Variants in RYR2 observed in about 807,000 individuals in gnomAD.
The protein encoded by RYR2 is ryanodine receptor 2.
RYR2 carries 227 observed loss-of-function variants against 601.1 expected under a neutral mutation model. The observed-to-expected ratio is 0.38, with a 90% CI of 0.34 to 0.42. The LOEUF is 0.42. RYR2 is among the 10% of genes least tolerant of loss of function. The pLI is 1.00. For missense variants in RYR2, 4,646 were observed against 6,156.5 expected, an observed-to-expected ratio of 0.75 and a Z score of 8.21; for synonymous variants, 2,223 against 2,175.1, an observed-to-expected ratio of 1.02 and a Z score of -0.61.
At chr1:237,616,545 T>G (rs1016546328) in intron 37 of RYR2, among the ~76,000 whole-genome samples, 1 of 152,228 alleles carries the variant, frequency 6.6e-6, no homozygotes, top group African/African-American at 2.4e-5. Flanking sequence ...CACCTTATTC[T>G]TTCTGCAGTA....
intron 88 of RYR2, among the ~76,000 whole-genome samples, chr1:237,780,463 T>A (rs903603677): frequency 6.6e-6 from 1 of 152,156 alleles, no homozygotes. Flanking sequence ...AAACGTCTCA[T>A]CTTCCCAACA....
At chr1:237,551,310 A>C (rs555337495) in intron 27 of RYR2, among the ~76,000 whole-genome samples, 2 of 152,150 alleles carry the variant, frequency 1.3e-5, no homozygotes, top group South Asian at 4.1e-4. Flanking sequence ...CAGGCGGATC[A>C]CAAGGTCAGG....
At chr1:237,751,691 T>G (rs1052528519) in intron 80 of RYR2, among the ~76,000 whole-genome samples, 2 of 152,212 alleles carry the variant, frequency 1.3e-5, no homozygotes, top group Non-Finnish European at 2.9e-5. Context: ...GTTTAGTGTT[T>G]CTTTTGTCTC....
At chr1:237,345,484 A>T (rs995720901) in intron 3 of RYR2, among the ~76,000 whole-genome samples, 4 of 148,654 alleles carry the variant, frequency 2.7e-5, no homozygotes, top group African/African-American at 1.0e-4. Context: ...TAAAAAATAA[A>T]AAAAAATATA....
chr1:237,800,128 G>T (rs1162993670), intron 97 of RYR2: 1 of 152,140 alleles, frequency 6.6e-6, no homozygotes, highest in Non-Finnish European at 1.5e-5. Context: ...ACTAATGTAT[G>T]CTAGAGATGG....
chr1:237,295,274 T>A (rs1572506997), intron 2 of RYR2, among the ~76,000 whole-genome samples: 2 of 126,790 alleles, frequency 1.6e-5, no homozygotes, highest in East Asian at 4.6e-4. Flanking sequence ...CTTCAGTGTT[T>A]GGAAAAAAAA....
chr1:237,394,268 C>G (rs1702633311), intron 10 of RYR2, among the ~76,000 whole-genome samples: 1 of 152,182 alleles, frequency 6.6e-6, no homozygotes, highest in Admixed American at 6.5e-5. Context: ...CTAGTCCTAC[C>G]TACATGATTC....
intron 29 of RYR2, among the ~76,000 whole-genome samples, chr1:237,574,418 C>G (rs1202113345): frequency 6.6e-6 from 1 of 152,160 alleles, no homozygotes; most frequent in Non-Finnish European, 1.5e-5. Context: ...GTGTTCACAC[C>G]ATTTTATATA....
At chr1:237,168,224 CCTT>C (rs1245425850) in intron 1 of RYR2, among the ~76,000 whole-genome samples, 3 of 151,606 alleles carry the variant, frequency 2.0e-5, no homozygotes, top group African/African-American at 7.3e-5. Context: ...ATGTCAGTGT[CCTT>C]CTTAGATTCC....
rs1572400749 is a variant in RYR2 at position 237,454,446 on chromosome 1, G to C, written c.1348G>C (p.Glu450Gln). ...GGCTTCCACAGTCGATTTGCCTATA[G>C]AGTCCGTAAGCCTAAGTCTGCAGGA... ...AKASTVDLPI[E>Q]SVSLSLQDLI... Residue 450 changes from glutamate (E) to glutamine (Q), a missense_variant, in exon 15 of 105, where the codon GAG becomes CAG. By Grantham distance (29) the Glu-to-Gln change is conservative. Around this residue, in one of 17 missense-constraint regions of RYR2, gnomAD observed 1,807 missense variants for 2,088.1 expected, o/e 0.87. Coordinates refer to ENST00000366574, the MANE Select transcript of RYR2 (RefSeq NM_001035.3). The C allele has an allele frequency of 1.9e-6, 3 of 1,613,584 alleles. No homozygotes were observed. Among genetic ancestry groups the C allele is most frequent in the Non-Finnish European group, 2.5e-6 (3 of 1,179,652 alleles).
intron 3 of RYR2, among the ~76,000 whole-genome samples, chr1:237,331,723 C>A (rs1012429159): frequency 6.6e-5 from 10 of 151,268 alleles, no homozygotes; most frequent in Admixed American, 2.0e-4. Flanking sequence ...ACCATGTTGG[C>A]CAGGATGGTC....
chr1:237,451,972 G>C (rs1572390031), intron 14 of RYR2, among the ~76,000 whole-genome samples: 1 of 98,808 alleles, frequency 1.0e-5, no homozygotes, highest in African/African-American at 2.9e-5. Context: ...TGGTAGTACT[G>C]TGTGTGTATG....
At chr1:237,321,001 C>A (rs1695576475) in intron 2 of RYR2, among the ~76,000 whole-genome samples, 1 of 150,424 alleles carries the variant, frequency 6.6e-6, no homozygotes, top group Admixed American at 6.6e-5. Flanking sequence ...AATGTTACCA[C>A]AAATGGACAG....
intron 101 of RYR2, among the ~76,000 whole-genome samples, chr1:237,827,971 T>G (rs1045835892): frequency 1.3e-5 from 2 of 148,434 alleles, no homozygotes; most frequent in African/African-American, 4.9e-5. Flanking sequence ...AAAAAAGACT[T>G]GAGGCAGATT....
At chr1:237,204,514 AAAAAG>A (rs997772028) in intron 1 of RYR2, among the ~76,000 whole-genome samples, 23 of 151,644 alleles carry the variant, frequency 1.5e-4, no homozygotes, top group African/African-American at 5.6e-4. Flanking sequence ...AAAAAAAAAA[AAAAAG>A]AAAGAAAACT....
At chr1:237,525,061 C>T (rs984121788) in intron 24 of RYR2, among the ~76,000 whole-genome samples, 2 of 151,990 alleles carry the variant, frequency 1.3e-5, no homozygotes, top group African/African-American at 4.8e-5. Flanking sequence ...TCTAATGAAC[C>T]CATTACCTAA....
At chr1:237,645,868 C>CTTTTTTTTTTTTTTCTTT (rs1001580851) in intron 48 of RYR2, among the ~76,000 whole-genome samples, 1 of 136,516 alleles carries the variant, frequency 7.3e-6, no homozygotes, top group Non-Finnish European at 1.6e-5. Context: ...TAGATCTCTG[C>CTTTTTTTTTTTTTTCTTT]TTTTTTTTTT....
chr1:237,755,065 A>T (rs757203417), intron 80 of RYR2: 1 of 1,288,802 alleles, frequency 7.8e-7, no homozygotes, highest in South Asian at 1.2e-5. Context: ...TCGCAGCACG[A>T]TATTATCAAA....
At chr1:237,548,769 C>T (rs563932389) in intron 26 of RYR2, among the ~76,000 whole-genome samples, 179 bp downstream of exon 26, 1 of 152,262 alleles carries the variant, frequency 6.6e-6, no homozygotes, top group Non-Finnish European at 1.5e-5. Flanking sequence ...GACCTTAGTT[C>T]TGGCTGTGAT....
Sources: allele counts gnomAD v4.1 joint callset (sites outside exome capture counted in the v4.1 genomes callset), GRCh38; gene constraint gnomAD v4.1.1; regional missense constraint gnomAD v4.1.1; transcripts MANE v1.5; gene names NCBI Gene and HGNC (gene_info 2026-07-23, HGNC 2026-07-21).